The following COL25A1 variants were observed in gnomAD, a reference collection of about 807,000 sequenced individuals.
The protein encoded by COL25A1 is collagen type XXV alpha 1 chain.
In COL25A1, 103 loss-of-function variants were observed where a neutral mutation model predicts 128.4. That is an observed-to-expected ratio of 0.80 (90% CI 0.68 to 0.94). COL25A1 has a LOEUF of 0.94. Ranked by LOEUF, COL25A1 falls within the 40% of genes least tolerant of loss-of-function variation. The probability of loss-of-function intolerance (pLI) is 0.00; values close to 1 mark genes in which losing one functional copy is unlikely to be tolerated. For synonymous variants in COL25A1, 279 were observed against 277.2 expected, an observed-to-expected ratio of 1.01 and a Z score of -0.06; for missense variants, 745 against 840.0, an observed-to-expected ratio of 0.89 and a Z score of 1.40.
chr4:109,211,291 T>TATATATAG (rs1777514294), intron 3 of COL25A1, among the ~76,000 whole-genome samples: 2 of 2,830 alleles, frequency 7.1e-4, no homozygotes, highest in Non-Finnish European at 1.1e-3. Context: ...TATATGAAAC[T>TATATATAG]ATATATATAT....
chr4:108,956,967 A>G (rs893605580), intron 8 of COL25A1, among the ~76,000 whole-genome samples: 14 of 152,186 alleles, frequency 9.2e-5, no homozygotes, highest in African/African-American at 3.4e-4. Context: ...TAAATACACA[A>G]TTGAGGAGCT....
chr4:109,094,541 C>T (rs1157934512), intron 3 of COL25A1, among the ~76,000 whole-genome samples: 1 of 152,180 alleles, frequency 6.6e-6, no homozygotes, highest in Non-Finnish European at 1.5e-5. Context: ...ACTTAGGAAT[C>T]GTCTACCCCC....
At chr4:109,000,743 CAAAAAAAAA>C (rs1180104512) in intron 6 of COL25A1, among the ~76,000 whole-genome samples, 2 of 36,428 alleles carry the variant, frequency 5.5e-5, no homozygotes, top group Admixed American at 5.3e-4. Context: ...GAGACTCTGT[CAAAAAAAAA>C]AAAAAAAAAA....
chr4:109,010,757 G>A (rs568864607), intron 5 of COL25A1, among the ~76,000 whole-genome samples: 21 of 152,126 alleles, frequency 1.4e-4, no homozygotes, highest in African/African-American at 5.1e-4. Flanking sequence ...TATTCAAAGC[G>A]CAGACTGTGA....
At chr4:108,883,824 C>T (rs1740430517) in intron 19 of COL25A1, among the ~76,000 whole-genome samples, 1 of 152,116 alleles carries the variant, frequency 6.6e-6, no homozygotes, top group Non-Finnish European at 1.5e-5. Flanking sequence ...GATGTTAAGA[C>T]TCTAATTCTG....
At chr4:109,270,806 A>G (rs184881712) in intron 3 of COL25A1, among the ~76,000 whole-genome samples, 2 of 152,332 alleles carry the variant, frequency 1.3e-5, no homozygotes, top group East Asian at 3.9e-4. Context: ...AACCTATGGC[A>G]TATAATTACT....
chr4:109,070,362 CT>C (rs34215492), intron 3 of COL25A1, among the ~76,000 whole-genome samples: 65,756 of 149,084 alleles, frequency 0.44, 15,254 homozygotes, highest in Admixed American at 0.54. Flanking sequence ...ATTTTTTAAT[CT>C]TTTTTTTTTT....
At chr4:108,913,140 CA>C (rs910693954) in intron 13 of COL25A1, among the ~76,000 whole-genome samples, 1 of 148,966 alleles carries the variant, frequency 6.7e-6, no homozygotes, top group African/African-American at 2.5e-5. Context: ...CTTGCATAGA[CA>C]AAAAAAATTT....
chr4:109,231,080 A>G (rs1430731613), intron 3 of COL25A1, among the ~76,000 whole-genome samples: 1 of 152,198 alleles, frequency 6.6e-6, no homozygotes, highest in African/African-American at 2.4e-5. Context: ...CAGAAGTTGC[A>G]GTGAACCGAG....
chr4:109,188,946 G>A (rs191505608), intron 3 of COL25A1, among the ~76,000 whole-genome samples: 1 of 152,014 alleles, frequency 6.6e-6, no homozygotes, highest in African/African-American at 2.4e-5. Context: ...GGCAGGGGAA[G>A]TAATTTAGTT....
At chr4:108,954,028 T>C (rs113225009) in intron 8 of COL25A1, among the ~76,000 whole-genome samples, 6,799 of 152,254 alleles carry the variant, frequency 0.045, 194 homozygotes, top group Non-Finnish European at 0.053. Flanking sequence ...CAAAATATGA[T>C]TGTTATACAC....
At chr4:109,156,983 C>A (rs1464029141) in intron 3 of COL25A1, among the ~76,000 whole-genome samples, 1 of 152,176 alleles carries the variant, frequency 6.6e-6, no homozygotes, top group Non-Finnish European at 1.5e-5. Flanking sequence ...GCACCTCTTT[C>A]ATTTTCAACC....
chr4:109,179,857 A>G (rs1774458316), intron 3 of COL25A1, among the ~76,000 whole-genome samples: 1 of 152,234 alleles, frequency 6.6e-6, no homozygotes, highest in Non-Finnish European at 1.5e-5. Context: ...AAAATGCTTC[A>G]CATATGAAAT....
intron 8 of COL25A1, among the ~76,000 whole-genome samples, chr4:108,962,865 A>T (rs1454127721): frequency 6.6e-6 from 1 of 152,214 alleles, no homozygotes; most frequent in African/African-American, 2.4e-5. Context: ...GATGAAAAGC[A>T]AACCTTCCTC....
chr4:108,893,135 T>A (rs372215653), intron 16 of COL25A1, among the ~76,000 whole-genome samples: 1 of 152,094 alleles, frequency 6.6e-6, no homozygotes, highest in Non-Finnish European at 1.5e-5. Flanking sequence ...CATACATGCA[T>A]CTTTGCTATG....
At position 108,819,255 on chromosome 4, in the gene COL25A1, T is replaced by A; in HGVS notation, c.1920A>T (p.Gln640His). 1 of 1,606,188 alleles carries A rather than the reference T, an allele frequency of 6.2e-7. No homozygotes were observed. The highest frequency in any genetic ancestry group is 1.1e-5 in the South Asian group (1 of 90,068). Residue 640 changes from glutamine to histidine, a missense_variant, in exon 36 of 38, where the codon CAA becomes CAT. Physicochemically the swap from Gln to His is conservative, Grantham distance 24. Transcript: ENST00000399132. ...GTAGGAAAGAGAAATACTGTACCAA[T>A]TGGCAAGGGGCATCCAGCCCATCCA... ...PGLDGLDAPC[Q>H]LGPDGLPMPG... is the part of the protein sequence containing the mutation.
chr4:109,199,376 C>A (rs1207746226), intron 3 of COL25A1, among the ~76,000 whole-genome samples: 2 of 152,004 alleles, frequency 1.3e-5, no homozygotes, highest in African/African-American at 4.8e-5. Flanking sequence ...GTACTCTGGG[C>A]TCAAGGGATC....
At chr4:108,930,383 A>G (rs1746585687) in intron 11 of COL25A1, among the ~76,000 whole-genome samples, 1 of 152,182 alleles carries the variant, frequency 6.6e-6, no homozygotes. Flanking sequence ...ACCTTCAGGT[A>G]CTAAGGACTC....
At chr4:109,121,467 A>G (rs894145151) in intron 3 of COL25A1, among the ~76,000 whole-genome samples, 4 of 152,142 alleles carry the variant, frequency 2.6e-5, no homozygotes, top group African/African-American at 9.7e-5. Context: ...CGGACAAAAG[A>G]TCTAAAAAGG....
Sources: allele counts gnomAD v4.1 joint callset (sites outside exome capture counted in the v4.1 genomes callset), GRCh38; gene constraint gnomAD v4.1.1; transcripts MANE v1.5; gene names NCBI Gene and HGNC (gene_info 2026-07-23, HGNC 2026-07-21).